The following ADARB2 variants were observed in gnomAD, a reference collection of about 807,000 sequenced individuals.
ADARB2 encodes the protein inactive double-stranded RNA-specific editase B2.
ADARB2 carries 25 observed loss-of-function variants against 62.2 expected under a neutral mutation model. The observed-to-expected ratio is 0.40, with a 90% CI of 0.29 to 0.56. ADARB2 has a LOEUF of 0.56. ADARB2 is among the 20% of genes least tolerant of loss of function. The pLI, the probability that ADARB2 is intolerant of heterozygous loss-of-function variation, is 0.43. For synonymous variants in ADARB2, 572 were observed against 500.8 expected, an observed-to-expected ratio of 1.14 and a Z score of -1.90; for missense variants, 1,071 against 1,077.4, an observed-to-expected ratio of 0.99 and a Z score of 0.08.
chr10:1,533,569 T>C (rs2176378), intron 1 of ADARB2, among the ~76,000 whole-genome samples: 2,049 of 152,322 alleles, frequency 0.013, 50 homozygotes, highest in African/African-American at 0.047. Flanking sequence ...TGCCACGTCC[T>C]GACTCTGCGA....
At chr10:1,510,114 T>TCTC (rs1564312499) in intron 1 of ADARB2, among the ~76,000 whole-genome samples, 11 of 59,528 alleles carry the variant, frequency 1.8e-4, no homozygotes, top group South Asian at 1.1e-3. Flanking sequence ...CTTTCTCTCT[T>TCTC]TCTTTCTTTC....
intron 1 of ADARB2, among the ~76,000 whole-genome samples, chr10:1,537,945 G>T (rs950082354): frequency 6.6e-6 from 1 of 152,198 alleles, no homozygotes; most frequent in Non-Finnish European, 1.5e-5. Flanking sequence ...AAACCTGCAC[G>T]TTCTGCACAT....
chr10:1,677,823 C>G (rs1834486102), intron 1 of ADARB2, among the ~76,000 whole-genome samples: 1 of 152,218 alleles, frequency 6.6e-6, no homozygotes, highest in Non-Finnish European at 1.5e-5. Flanking sequence ...GATCCAGGCT[C>G]TGTCCCACCT....
chr10:1,717,860 G>T (rs994763685), intron 1 of ADARB2, among the ~76,000 whole-genome samples: 1 of 152,158 alleles, frequency 6.6e-6, no homozygotes, highest in African/African-American at 2.4e-5. Flanking sequence ...TTATAGGTGT[G>T]AGCCCCCACA....
At chr10:1,607,033 C>CA (rs1251574039) in intron 1 of ADARB2, among the ~76,000 whole-genome samples, 25 of 152,062 alleles carry the variant, frequency 1.6e-4, no homozygotes, top group African/African-American at 5.6e-4. Flanking sequence ...AAAAACAAAG[C>CA]AAAAAATATA....
At chr10:1,725,088 G>C (rs1428567406) in intron 1 of ADARB2, among the ~76,000 whole-genome samples, 1 of 152,220 alleles carries the variant, frequency 6.6e-6, no homozygotes, top group East Asian at 1.9e-4. Flanking sequence ...ACCTGACTGA[G>C]CGCATGGACC....
At chr10:1,604,764 A>C (rs1112786) in intron 1 of ADARB2, among the ~76,000 whole-genome samples, 1 of 152,124 alleles carries the variant, frequency 6.6e-6, no homozygotes, top group Non-Finnish European at 1.5e-5. Flanking sequence ...CAATGAGTTC[A>C]TGCATCAACT....
chr10:1,182,426 C>T lies in ADARB2; in HGVS notation c.*767G>A, dbSNP rs984913974. On this transcript the variant is annotated 3_prime_UTR_variant, in exon 10 of 10. Coordinates refer to ENST00000381312, the MANE Select transcript of ADARB2 (RefSeq NM_018702.4). The stretch of plus-strand genomic sequence containing the variant: ...CCCCACATCTGCAGCACGCGTGGGC[C>T]GGGTGTTTCCAGGCTCCCCACATCT... 3.2e-4 allele frequency: 49 copies of T among 153,294 alleles called. No homozygotes were observed. Among genetic ancestry groups the T allele is most frequent in the African/African-American group, 1.1e-3 (47 of 41,412 alleles). The allele number at this position is 153,294 out of a possible 1,614,324, so 9.5% of individuals were successfully genotyped here. A position where few individuals can be genotyped will look rare whatever the true frequency, so the allele number is the denominator to read the frequency against.
intron 1 of ADARB2, among the ~76,000 whole-genome samples, chr10:1,485,622 C>T (rs865970078): frequency 6.6e-6 from 1 of 152,224 alleles, no homozygotes; most frequent in Non-Finnish European, 1.5e-5. Context: ...GTCTGATCCA[C>T]AAGGCTGAAA....
At chr10:1,526,329 T>C (rs1417437885) in intron 1 of ADARB2, among the ~76,000 whole-genome samples, 1 of 151,994 alleles carries the variant, frequency 6.6e-6, no homozygotes, top group East Asian at 1.9e-4. Flanking sequence ...CAAGGAGCTG[T>C]CCAACTGTCT....
In ADARB2 at chr10:1,426,127, T is replaced by C. The variant is rs1307424099; in HGVS notation, c.101-46967A>G. ...TTGATCTATAATGACACAACAAAAC[T>C]CATATAGAGAAGGGGAATCAAGATC... On this transcript the variant is annotated intron_variant, in intron 1 of 9. Coordinates refer to ENST00000381312, the MANE Select transcript of ADARB2 (RefSeq NM_018702.4). The surrounding 1 kb of genome is among the most constrained non-coding windows in gnomAD (Gnocchi z 4.1). 6.6e-6 allele frequency among the ~76,000 whole-genome samples: 1 copy of C among 152,124 alleles called. No individual in the cohort carries two copies. Among genetic ancestry groups the C allele is most frequent in the African/African-American group, 2.4e-5 (1 of 41,418 alleles).
intron 7 of ADARB2, among the ~76,000 whole-genome samples, chr10:1,206,843 G>A (rs1837074178): frequency 6.6e-6 from 1 of 152,154 alleles, no homozygotes; most frequent in South Asian, 2.1e-4. Flanking sequence ...CAGATGGTGC[G>A]CTTGTCACCC....
chr10:1,561,559 A>G (rs1009315728), intron 1 of ADARB2, among the ~76,000 whole-genome samples: 1 of 152,226 alleles, frequency 6.6e-6, no homozygotes, highest in African/African-American at 2.4e-5. Context: ...GCTGAGAACC[A>G]TATGATCATT....
intron 7 of ADARB2, among the ~76,000 whole-genome samples, chr10:1,201,399 TATCA>T (rs1836982865): frequency 6.6e-6 from 1 of 152,250 alleles, no homozygotes; most frequent in Non-Finnish European, 1.5e-5. Context: ...TACTTCAGTC[TATCA>T]GATTTGCATA....
chr10:1,725,942 C>T (rs1835158905), intron 1 of ADARB2, among the ~76,000 whole-genome samples: 1 of 152,244 alleles, frequency 6.6e-6, no homozygotes, highest in Non-Finnish European at 1.5e-5. Flanking sequence ...GGGCTAACCC[C>T]AGAATTCTAC....
chr10:1,570,361 G>A lies in ADARB2; in HGVS notation c.100+166690C>T, dbSNP rs61834160. On this transcript the variant is annotated intron_variant, in intron 1 of 9. Transcript: ENST00000381312. Reference sequence around the variant, plus strand: ...GTTGCTACCTGGGCTGATTAACCACGGCTTTCTCCCTTTTGGGTCCCCCAG... The same window carrying A: ...GTTGCTACCTGGGCTGATTAACCACAGCTTTCTCCCTTTTGGGTCCCCCAG... Among the ~76,000 whole-genome samples the A allele has an allele frequency of 8.6e-3, 1,304 of 152,230 alleles. 16 individuals are homozygous for A. Among genetic ancestry groups the A allele is most frequent in the Non-Finnish European group, 0.013 (918 of 68,020 alleles).
chr10:1,562,893 A>C (rs1564331480), intron 1 of ADARB2, among the ~76,000 whole-genome samples: 1 of 152,252 alleles, frequency 6.6e-6, no homozygotes, highest in African/African-American at 2.4e-5. Flanking sequence ...ATATGATTGA[A>C]GTTGTTATTA....
intron 1 of ADARB2, among the ~76,000 whole-genome samples, chr10:1,389,431 A>T (rs965512187): frequency 6.6e-6 from 1 of 152,206 alleles, no homozygotes; most frequent in Non-Finnish European, 1.5e-5. Context: ...GCAACTTAAT[A>T]ATAAAGGATA....
At chr10:1,565,268 G>T (rs1358257240) in intron 1 of ADARB2, among the ~76,000 whole-genome samples, 1 of 152,164 alleles carries the variant, frequency 6.6e-6, no homozygotes, top group African/African-American at 2.4e-5. Context: ...AAAGACACAA[G>T]AAACCTCTTA....
Sources: gnomAD v4.1 joint callset for allele counts (sites outside exome capture counted in the v4.1 genomes callset) on GRCh38, gnomAD v4.1.1 for gene constraint, Gnocchi (gnomAD v3.1) non-coding constraint, MANE v1.5 for transcripts, NCBI Gene and HGNC (gene_info 2026-07-23, HGNC 2026-07-21) for gene names.